The following BPHL variants were observed in gnomAD, a reference collection of about 807,000 sequenced individuals.
The protein encoded by BPHL is biphenyl hydrolase like, also known as serine hydrolase BPHL.
Under a neutral mutation model 31.2 loss-of-function variants are expected in BPHL, and 27 were observed. That is an observed-to-expected ratio of 0.87 (90% CI 0.64 to 1.19). The LOEUF (loss-of-function observed/expected upper bound fraction) is 1.19, where lower values mean the gene tolerates loss of function less well. Ranked by LOEUF, BPHL falls within the 50% of genes most tolerant of loss-of-function variation. The pLI, the probability that BPHL is intolerant of heterozygous loss-of-function variation, is 0.00. For missense variants in BPHL, 356 were observed against 375.7 expected (o/e 0.95, Z 0.43); for synonymous variants, 150 against 146.8 (o/e 1.02, Z -0.16).
At chr6:3,118,993 C>G (rs1469245253) in intron 1 of BPHL, 146 bp downstream of exon 1, 2 of 713,746 alleles carry the variant, frequency 2.8e-6, no homozygotes, top group Admixed American at 4.1e-5. Context: ...CTTTGTGCCG[C>G]GAGACCCCGA....
At chr6:3,123,398 C>T (rs1018434359) in intron 1 of BPHL, among the ~76,000 whole-genome samples, 22 of 152,046 alleles carry the variant, frequency 1.4e-4, no homozygotes, top group African/African-American at 5.3e-4. Flanking sequence ...AGTGATGTTT[C>T]GATAGATACA....
At position 3,137,893 on chromosome 6, in the gene BPHL, G is replaced by T. The variant is rs539911536; in HGVS notation, c.664+400G>T. Reference sequence around the variant, plus strand: ...TTTTTTCCTTTTTACACATTTAGATGTGTCTCCCCACGAGGACACTGTTAA... The same window carrying T: ...TTTTTTCCTTTTTACACATTTAGATTTGTCTCCCCACGAGGACACTGTTAA... On this transcript the variant is annotated intron_variant, in intron 5 of 6. Coordinates refer to ENST00000380379, the MANE Select transcript of BPHL (RefSeq NM_004332.4). 47 of 863,074 alleles carry T rather than the reference G, an allele frequency of 5.4e-5. No homozygotes were observed. In the East Asian group the frequency reaches 1.3e-3, roughly 23 times the overall value. The allele number at this position is 863,074 out of a possible 1,614,324, so 53.5% of individuals were successfully genotyped here.
chr6:3,135,452 T>C (rs1357005117), intron 4 of BPHL, among the ~76,000 whole-genome samples: 2 of 152,256 alleles, frequency 1.3e-5, no homozygotes, highest in African/African-American at 2.4e-5. Context: ...CTTTGATATA[T>C]TGCTGTTTTA....
chr6:3,124,472 G>T (rs1465879207), intron 2 of BPHL, among the ~76,000 whole-genome samples: 1 of 152,108 alleles, frequency 6.6e-6, no homozygotes. Context: ...CTGGGGGACT[G>T]GATCCAGGAA....
intron 4 of BPHL, among the ~76,000 whole-genome samples, chr6:3,129,910 G>A (rs964676725): frequency 3.3e-5 from 5 of 150,862 alleles, no homozygotes; most frequent in Non-Finnish European, 4.4e-5. Context: ...GGATTCAAGC[G>A]ATTCTCCTGC....
chr6:3,143,102 C>G lies in BPHL; in HGVS notation c.788+2593C>G, dbSNP rs573580572. Among the ~76,000 whole-genome samples the G allele has an allele frequency of 4.2e-4, 64 of 152,224 alleles. 3 individuals are homozygous for G. The South Asian group carries it at 0.013, about 32-fold the overall frequency. Reference sequence around the variant, plus strand: ...GACATGGTCGTGGGCACCCGTAATCCCAGCTACTCAAGATGCTGAGGCAGA... The same window carrying G: ...GACATGGTCGTGGGCACCCGTAATCGCAGCTACTCAAGATGCTGAGGCAGA... On this transcript the variant is annotated intron_variant, in intron 6 of 6. Coordinates refer to ENST00000380379, the MANE Select transcript of BPHL (RefSeq NM_004332.4).
chr6:3,137,340 C>T (rs373440522), intron 4 of BPHL, 22 bp from the exon 5 acceptor site: 37 of 1,609,864 alleles, frequency 2.3e-5, no homozygotes, highest in African/African-American at 1.2e-4. Context: ...AACCTTTCTT[C>T]GCCTACACTT....
At chr6:3,119,421 C>T (rs1406575125) in intron 1 of BPHL, 2 of 1,610,264 alleles carry the variant, frequency 1.2e-6, no homozygotes, top group East Asian at 4.5e-5. Context: ...GAATCCTGGG[C>T]CTCACTCCCA....
rs1761792231 is a variant in BPHL at position 3,129,036 on chromosome 6, T to C, written c.379-9T>C. On this transcript the variant is annotated splice_polypyrimidine_tract_variant and intron_variant, in intron 3 of 6. Transcript: ENST00000380379. Reference sequence around the variant, plus strand: ...AACCCGTGCCGTGCATTTTGTCGTATGATCATAGGCGCTGAAGTTTAAGAA... The same window carrying C: ...AACCCGTGCCGTGCATTTTGTCGTACGATCATAGGCGCTGAAGTTTAAGAA... The C allele has an allele frequency of 6.2e-7, 1 of 1,614,280 alleles. No individual in the cohort carries two copies. Among genetic ancestry groups the C allele is most frequent in the Non-Finnish European group, 8.5e-7 (1 of 1,180,048 alleles).
intron 4 of BPHL, among the ~76,000 whole-genome samples, chr6:3,133,693 C>G (rs1156475192): frequency 6.6e-6 from 1 of 152,186 alleles, no homozygotes; most frequent in Non-Finnish European, 1.5e-5. Context: ...CAGAATGGCC[C>G]AAGCATTCCA....
At chr6:3,128,838 C>T (rs559018151) in intron 3 of BPHL, among the ~76,000 whole-genome samples, 29 of 152,294 alleles carry the variant, frequency 1.9e-4, no homozygotes, top group African/African-American at 5.5e-4. Context: ...AAACCCATAC[C>T]GTATGCTCAG....
At chr6:3,127,118 T>A (rs1482267434) in intron 2 of BPHL, 124 bp from the exon 3 acceptor site, 2 of 625,852 alleles carry the variant, frequency 3.2e-6, no homozygotes, top group Non-Finnish European at 5.2e-6. Context: ...GCTTTCCTGA[T>A]TACATTCTGA....
chr6:3,124,853 T>G (rs1307481604), intron 2 of BPHL, among the ~76,000 whole-genome samples: 1 of 152,206 alleles, frequency 6.6e-6, no homozygotes, highest in Non-Finnish European at 1.5e-5. Flanking sequence ...TGACTGAGCC[T>G]CAGCGGATCG....
At chr6:3,123,165 C>T (rs929981864) in intron 1 of BPHL, among the ~76,000 whole-genome samples, 18 of 152,284 alleles carry the variant, frequency 1.2e-4, no homozygotes, top group African/African-American at 4.3e-4. Context: ...GATCGGCAGT[C>T]TAGTAAAGAA....
chr6:3,126,045 C>T (rs1761701506), intron 2 of BPHL, among the ~76,000 whole-genome samples: 1 of 152,206 alleles, frequency 6.6e-6, no homozygotes, highest in Non-Finnish European at 1.5e-5. Context: ...ACGTGGTGGG[C>T]TGTGGACTAG....
At chr6:3,119,940 G>A (rs1761513348) in intron 1 of BPHL, among the ~76,000 whole-genome samples, 1 of 152,196 alleles carries the variant, frequency 6.6e-6, no homozygotes, top group Non-Finnish European at 1.5e-5. Context: ...CATGTTAATG[G>A]CTACAGCTGT....
intron 5 of BPHL, chr6:3,138,104 T>A: frequency 1.2e-6 from 1 of 826,076 alleles, no homozygotes; most frequent in Non-Finnish European, 1.8e-6. Flanking sequence ...CTGCAATCTC[T>A]GTCTCCTGGG....
upstream of BPHL, chr6:3,118,427 G>A: frequency 3.8e-6 from 1 of 260,566 alleles, no homozygotes; most frequent in Non-Finnish European, 7.2e-6. Flanking sequence ...AAAGGCCATG[G>A]TCGCTGAGGC....
intron 6 of BPHL, among the ~76,000 whole-genome samples, chr6:3,143,026 C>T (rs926669552): frequency 6.6e-6 from 1 of 152,134 alleles, no homozygotes; most frequent in Non-Finnish European, 1.5e-5. Flanking sequence ...CAAGACCAGC[C>T]TGGCCATCAT....
Sources: gnomAD v4.1 joint callset for allele counts (sites outside exome capture counted in the v4.1 genomes callset) on GRCh38, gnomAD v4.1.1 for gene constraint, MANE v1.5 for transcripts, NCBI Gene and HGNC (gene_info 2026-07-23, HGNC 2026-07-21) for gene names.